Variants in ARHGAP8 observed in about 807,000 individuals in gnomAD.
ARHGAP8 encodes rho GTPase-activating protein 8.
Under a neutral mutation model 46.1 loss-of-function variants are expected in ARHGAP8, and 62 were observed. The observed-to-expected ratio is 1.34, with a 90% confidence interval of 1.10 to 1.66. The LOEUF (loss-of-function observed/expected upper bound fraction) is 1.66. ARHGAP8 is among the 40% of genes most tolerant of loss of function. ARHGAP8 has a pLI of 0.00. For missense variants in ARHGAP8, 923 were observed against 568.4 expected, an observed-to-expected ratio of 1.62 and a Z score of -6.34; for synonymous variants, 375 against 243.1, an observed-to-expected ratio of 1.54 and a Z score of -5.05.
intron 10 of ARHGAP8, among the ~76,000 whole-genome samples, chr22:44,859,098 A>T (rs902030322): frequency 1.3e-5 from 2 of 152,124 alleles, no homozygotes; most frequent in African/African-American, 4.8e-5. Context: ...ACTCCCATTT[A>T]TAAAGTGATT....
intron 1 of ARHGAP8, among the ~76,000 whole-genome samples, chr22:44,785,212 C>T (rs549471571): frequency 3.9e-5 from 6 of 152,274 alleles, no homozygotes; most frequent in South Asian, 2.1e-4. Flanking sequence ...GCTTTCTCCT[C>T]GGGCACCCTC....
At chr22:44,790,041 T>C (rs1927546017) in intron 2 of ARHGAP8, among the ~76,000 whole-genome samples, 1 of 152,198 alleles carries the variant, frequency 6.6e-6, no homozygotes, top group Non-Finnish European at 1.5e-5. Flanking sequence ...AGAAATCACA[T>C]TGTCAAAGCC....
chr22:44,843,103 G>A (rs533775381), intron 7 of ARHGAP8, among the ~76,000 whole-genome samples: 6 of 152,192 alleles, frequency 3.9e-5, no homozygotes, highest in Non-Finnish European at 5.9e-5. Flanking sequence ...CTGTGGACAG[G>A]CACGGAAGCC....
rs140936088 is a variant in ARHGAP8 at position 44,854,386 on chromosome 22, G to A, written c.877+5326G>A. ...GGAGTAGCTGGGATTACAGGTGTGC[G>A]CCGCCACACCCAGCTAATTGTATTT... On this transcript the variant is annotated intron_variant, in intron 10 of 11. Coordinates refer to ENST00000356099, the MANE Select transcript of ARHGAP8 (RefSeq NM_181335.3). 7.0e-3 allele frequency among the ~76,000 whole-genome samples: 1,064 copies of A among 151,646 alleles called. 37 individuals are homozygous for A. In the East Asian group the frequency reaches 0.1, roughly 15 times the overall value.
intron 6 of ARHGAP8, among the ~76,000 whole-genome samples, chr22:44,823,943 TACTC>T (rs1482275198): frequency 1.3e-5 from 2 of 152,028 alleles, no homozygotes; most frequent in Non-Finnish European, 2.9e-5. Context: ...CTCCTGAACT[TACTC>T]AGTAGGCAGC....
chr22:44,835,116 A>G (rs1204239932), intron 7 of ARHGAP8, among the ~76,000 whole-genome samples: 2 of 151,768 alleles, frequency 1.3e-5, no homozygotes, highest in Admixed American at 6.6e-5. Context: ...TACATCTGCC[A>G]TTTTGCTATT....
chr22:44,862,782 T>C lies in ARHGAP8; in HGVS notation c.*187T>C. ...TCCTGAGCTGTGGACCGGGATAGAATAATGCATTTGTTAGGATGGATGTTT... is the reference window on the plus strand; with the variant it reads ...TCCTGAGCTGTGGACCGGGATAGAACAATGCATTTGTTAGGATGGATGTTT... On this transcript the variant is annotated 3_prime_UTR_variant, in exon 12 of 12. Transcript: ENST00000356099. The C allele has an allele frequency of 3.0e-6, 2 of 677,184 alleles. No individual in the cohort carries two copies. Among genetic ancestry groups the C allele is most frequent in the Non-Finnish European group, 4.5e-6 (2 of 439,900 alleles). The allele number at this position is 677,184 out of a possible 1,614,324, so 41.9% of individuals were successfully genotyped here.
At chr22:44,767,661 T>A (rs1377455493) in intron 1 of ARHGAP8, among the ~76,000 whole-genome samples, 1 of 151,804 alleles carries the variant, frequency 6.6e-6, no homozygotes, top group Non-Finnish European at 1.5e-5. Flanking sequence ...TCCCTCCTTT[T>A]AAAAACTGAC....
intron 8 of ARHGAP8, among the ~76,000 whole-genome samples, chr22:44,846,525 C>A (rs1039592611): frequency 6.6e-6 from 1 of 152,214 alleles, no homozygotes; most frequent in Admixed American, 6.5e-5. Context: ...CCCTCAGTCA[C>A]GATGCTCAGC....
At position 44,825,583 on chromosome 22, in the gene ARHGAP8, A is replaced by G. The variant is rs759702968; in HGVS notation, c.586A>G (p.Ser196Gly). Residue 196 changes from serine (S) to glycine (G), a missense_variant, in exon 7 of 12, where the codon AGT becomes GGT. Ser to Gly is a moderately conservative substitution (Grantham distance 56, BLOSUM62 0). Coordinates refer to ENST00000356099, the MANE Select transcript of ARHGAP8 (RefSeq NM_181335.3). Reference protein sequence around the residue: ...PPLPTQQFGVSLQYLKDKNQG... With the variant: ...PPLPTQQFGVGLQYLKDKNQG... ...GCTGCCCACACAGCAGTTTGGCGTC[A>G]GTCTGCAATAGTAAGTGAGCCGGGG... The G allele has an allele frequency of 6.2e-7, 1 of 1,612,748 alleles. No individual in the cohort carries two copies. Among genetic ancestry groups the G allele is most frequent in the South Asian group, 1.1e-5 (1 of 91,028 alleles).
intron 5 of ARHGAP8, among the ~76,000 whole-genome samples, chr22:44,821,709 CT>C (rs1420500918): frequency 6.6e-6 from 1 of 152,222 alleles, no homozygotes; most frequent in African/African-American, 2.4e-5. Context: ...CTTGCATTGT[CT>C]TCCGCCCTCA....
At chr22:44,804,424 T>C (rs1022802504) in intron 3 of ARHGAP8, among the ~76,000 whole-genome samples, 1 of 152,146 alleles carries the variant, frequency 6.6e-6, no homozygotes, top group South Asian at 2.1e-4. Context: ...TCAGTCTTAG[T>C]GAAGGGAAGT....
intron 5 of ARHGAP8, among the ~76,000 whole-genome samples, chr22:44,821,298 T>C (rs939259325): frequency 9.9e-5 from 15 of 152,080 alleles, no homozygotes; most frequent in East Asian, 1.9e-4. Flanking sequence ...GGCGTGGTGG[T>C]GTGCACCTTA....
At chr22:44,810,336 G>A (rs1303197034) in intron 4 of ARHGAP8, among the ~76,000 whole-genome samples, 1 of 149,208 alleles carries the variant, frequency 6.7e-6, no homozygotes, top group East Asian at 2.0e-4. Context: ...CCACCTCCCA[G>A]GTTCAAGTGA....
At chr22:44,795,793 G>T (rs1928040607) in intron 2 of ARHGAP8, among the ~76,000 whole-genome samples, 1 of 152,080 alleles carries the variant, frequency 6.6e-6, no homozygotes, top group African/African-American at 2.4e-5. Flanking sequence ...AGGCCTCCCA[G>T]GACACCTCCC....
At chr22:44,805,552 G>A (rs1460860988) in intron 3 of ARHGAP8, among the ~76,000 whole-genome samples, 5 of 149,414 alleles carry the variant, frequency 3.3e-5, no homozygotes, top group Non-Finnish European at 5.9e-5. Flanking sequence ...CTATTAGGTG[G>A]AAGTAGTAAG....
At chr22:44,756,412 C>A (rs187898084) in intron 1 of ARHGAP8, among the ~76,000 whole-genome samples, 1 of 152,158 alleles carries the variant, frequency 6.6e-6, no homozygotes, top group Non-Finnish European at 1.5e-5. Flanking sequence ...GCGGACCCCA[C>A]GCTGTTGTAA....
In ARHGAP8 at chr22:44,753,008, C is replaced by T. The variant is rs554616184; in HGVS notation, c.-72+381C>T. On this transcript the variant is annotated intron_variant, in intron 1 of 11. Transcript: ENST00000356099. ...AGCTCAAATGTTCCTTTTTTGCTTCCGTCCTGGGGTCTCAGGTTAGGTCGG... is the reference window on the plus strand; with the variant it reads ...AGCTCAAATGTTCCTTTTTTGCTTCTGTCCTGGGGTCTCAGGTTAGGTCGG... 2.6e-5 allele frequency among the ~76,000 whole-genome samples: 4 copies of T among 152,060 alleles called. No individual in the cohort carries two copies. The East Asian group carries it at 7.8e-4, about 29-fold the overall frequency.
intron 10 of ARHGAP8, among the ~76,000 whole-genome samples, chr22:44,856,781 C>G (rs776666268): frequency 6.9e-6 from 1 of 144,438 alleles, no homozygotes; most frequent in East Asian, 2.0e-4. Context: ...TCACCGAGGA[C>G]TCCTCGAGAT....
Sources: allele counts gnomAD v4.1 joint callset (sites outside exome capture counted in the v4.1 genomes callset), GRCh38; gene constraint gnomAD v4.1.1; transcripts MANE v1.5; gene names NCBI Gene and HGNC (gene_info 2026-07-23, HGNC 2026-07-21).